CREB5: variants seen among roughly 807,000 people sequenced by gnomAD.
The protein encoded by CREB5 is cyclic AMP-responsive element-binding protein 5.
A neutral mutation model predicts 57.1 loss-of-function variants in CREB5; 19 were observed. The observed-to-expected ratio is 0.33, with a 90% confidence interval of 0.23 to 0.49. The LOEUF is 0.49. Among genes scored for constraint, CREB5 ranks in the 20% least tolerant of loss-of-function variants. The probability of loss-of-function intolerance (pLI) is 0.99; values close to 1 mark genes in which losing one functional copy is unlikely to be tolerated. For synonymous variants in CREB5, 238 were observed against 238.3 expected (o/e 1.00, Z 0.01); for missense variants, 579 against 671.6 (o/e 0.86, Z 1.52).
chr7:28,455,235 G>A (rs1047641716), intron 1 of CREB5, among the ~76,000 whole-genome samples: 2 of 152,174 alleles, frequency 1.3e-5, no homozygotes, highest in African/African-American at 4.8e-5. Context: ...CAGTGTGGAA[G>A]CCCCGAGCCG....
At chr7:28,738,520 C>A (rs1327391075) in intron 7 of CREB5, among the ~76,000 whole-genome samples, 1 of 152,148 alleles carries the variant, frequency 6.6e-6, no homozygotes, top group Non-Finnish European at 1.5e-5. Context: ...TTCGGTAGAC[C>A]AGTATGGGGT....
At chr7:28,511,510 G>T (rs770751829) in intron 4 of CREB5, among the ~76,000 whole-genome samples, 3 of 152,106 alleles carry the variant, frequency 2.0e-5, no homozygotes, top group Non-Finnish European at 4.4e-5. Flanking sequence ...TTTGAGACAG[G>T]TTCTTACTCT....
At position 28,794,569 on chromosome 7, in the gene CREB5, G is replaced by A. The variant is rs148953539; in HGVS notation, c.703-9630G>A. Among the ~76,000 whole-genome samples the A allele has an allele frequency of 3.3e-3, 497 of 152,258 alleles. 5 individuals are homozygous for A. Among genetic ancestry groups the A allele is most frequent in the African/African-American group, 0.011 (438 of 41,554 alleles). On this transcript the variant is annotated intron_variant, in intron 7 of 10. Transcript: ENST00000357727. ...ATAATGCTTAAGGAGCTCGGCAGCC[G>A]GAAAGGAACAGCGGATCTCTAATAT...
intron 1 of CREB5, among the ~76,000 whole-genome samples, chr7:28,299,712 T>C (rs1047623843): frequency 6.6e-6 from 1 of 152,264 alleles, no homozygotes; most frequent in Non-Finnish European, 1.5e-5. Context: ...GGAAGTGTTA[T>C]TCACTAGCAT....
chr7:28,619,731 T>G (rs1200373421), intron 5 of CREB5, among the ~76,000 whole-genome samples: 2 of 152,126 alleles, frequency 1.3e-5, no homozygotes, highest in African/African-American at 4.8e-5. Flanking sequence ...CCTCTGTTAC[T>G]CCAGGATGAC....
chr7:28,580,147 T>C (rs1206348159), intron 5 of CREB5, among the ~76,000 whole-genome samples: 18 of 152,130 alleles, frequency 1.2e-4, no homozygotes, highest in South Asian at 2.1e-4. Context: ...TATATTTAAA[T>C]GCCAAAACTA....
rs1217847979 is a variant in CREB5, at chr7:28,467,742, T to C, written c.4-20433T>C. ...AACAGAAAAGCCATCATCTACCTCA[T>C]GTCTATATCAAGTGGGCCAGGACAG... On this transcript the variant is annotated intron_variant, in intron 1 of 10. Transcript: ENST00000357727. Among the ~76,000 whole-genome samples, 7 of 152,230 alleles carry C rather than the reference T, an allele frequency of 4.6e-5. No individual in the cohort carries two copies. The East Asian group carries it at 1.2e-3, about 25-fold the overall frequency.
intron 7 of CREB5, among the ~76,000 whole-genome samples, chr7:28,797,242 G>A (rs151293902): frequency 5.5e-4 from 84 of 152,250 alleles, no homozygotes; most frequent in Admixed American, 2.0e-3. Flanking sequence ...CATTAGATCC[G>A]CTGAAGGTCT....
intron 4 of CREB5, among the ~76,000 whole-genome samples, chr7:28,533,149 T>C (rs1482008963): frequency 6.6e-6 from 1 of 151,884 alleles, no homozygotes; most frequent in Non-Finnish European, 1.5e-5. Context: ...GAGGTAGCAG[T>C]GAGCCGATAT....
chr7:28,756,370 T>C (rs1454285885), intron 7 of CREB5, among the ~76,000 whole-genome samples: 1 of 151,942 alleles, frequency 6.6e-6, no homozygotes, highest in Non-Finnish European at 1.5e-5. Context: ...CTGAGCACCA[T>C]GGAGAAACCC....
intron 5 of CREB5, among the ~76,000 whole-genome samples, chr7:28,590,098 A>T (rs947952853): frequency 2.2e-4 from 34 of 152,298 alleles, no homozygotes; most frequent in African/African-American, 7.5e-4. Context: ...AACTAGTTCA[A>T]CCATTGTGGA....
intron 1 of CREB5, among the ~76,000 whole-genome samples, chr7:28,419,638 G>A (rs1788161162): frequency 2.6e-5 from 4 of 152,218 alleles, no homozygotes; most frequent in African/African-American, 9.6e-5. Flanking sequence ...CTGGGCCAGT[G>A]AGGACCAGAA....
At chr7:28,305,718 CTT>C (rs112359198) in intron 1 of CREB5, among the ~76,000 whole-genome samples, 65 of 137,724 alleles carry the variant, frequency 4.7e-4, no homozygotes, top group African/African-American at 1.0e-3. Context: ...TTTTTCTTTT[CTT>C]TTTTTTTTTT....
chr7:28,551,891 C>CT lies in CREB5; in HGVS notation c.292-18471dup, dbSNP rs10694759. 2.9e-4 allele frequency among the ~76,000 whole-genome samples: 39 copies of CT among 136,280 alleles called. 1 individual carries two copies. The East Asian group carries it at 4.2e-3, about 15-fold the overall frequency. 89.4% of individuals were successfully genotyped at this position (136,280 alleles called of 152,430 possible). ...TTCTTTTTCTTTCTTTCTTTTCTTT[C>CT]TTTCTTTCTCTTTTCTTTTCTTTCT... On this transcript the variant is annotated intron_variant, in intron 4 of 10. Transcript: ENST00000357727.
rs1395640255 is a variant in CREB5 at position 28,824,437 on chromosome 7, A to C, written c.*5158A>C. On this transcript the variant is annotated 3_prime_UTR_variant, in exon 11 of 11. Transcript: ENST00000357727. ...GACTCTCTGAGGCCACTGAAAGAACAGTGGCCCTATCGATTTCATTCCTAG... is the reference window on the plus strand; with the variant it reads ...GACTCTCTGAGGCCACTGAAAGAACCGTGGCCCTATCGATTTCATTCCTAG... 6.6e-6 allele frequency: 1 copy of C among 152,618 alleles called. No homozygotes were observed. The highest frequency in any genetic ancestry group is 2.4e-5 in the African/African-American group (1 of 41,446). The allele number at this position is 152,618 out of a possible 1,614,324, so 9.5% of individuals were successfully genotyped here. A position where few individuals can be genotyped will look rare whatever the true frequency, so the allele number is the denominator to read the frequency against.
At chr7:28,483,679 C>T (rs1387338440) in intron 1 of CREB5, among the ~76,000 whole-genome samples, 1 of 152,180 alleles carries the variant, frequency 6.6e-6, no homozygotes, top group African/African-American at 2.4e-5. Context: ...GGGTCATACT[C>T]AGCCCACATG....
At chr7:28,657,738 A>AAAAAT (rs1554281277) in intron 5 of CREB5, among the ~76,000 whole-genome samples, 43 of 139,880 alleles carry the variant, frequency 3.1e-4, no homozygotes, top group East Asian at 8.3e-4. Context: ...AAAAAAAAAA[A>AAAAAT]GAATAAAATT....
At chr7:28,536,610 C>T (rs767724426) in intron 4 of CREB5, among the ~76,000 whole-genome samples, 2 of 152,198 alleles carry the variant, frequency 1.3e-5, no homozygotes, top group Non-Finnish European at 2.9e-5. Flanking sequence ...TCTGGCATTC[C>T]AGGCAAGAGC....
intron 4 of CREB5, among the ~76,000 whole-genome samples, chr7:28,560,987 T>TGCGTGTGTGCGCGTGTGCGCGCGTGC (rs1212595303): frequency 1.6e-5 from 1 of 64,454 alleles, no homozygotes; most frequent in Non-Finnish European, 3.5e-5. Context: ...TGTGCGTGCG[T>TGCGTGTGTGCGCGTGTGCGCGCGTGC]GTGTGTGCCT....
Sources: gnomAD v4.1 joint callset for allele counts (sites outside exome capture counted in the v4.1 genomes callset) on GRCh38, gnomAD v4.1.1 for gene constraint, MANE v1.5 for transcripts, NCBI Gene and HGNC (gene_info 2026-07-23, HGNC 2026-07-21) for gene names.